Variants in RPL13A observed in about 807,000 individuals in gnomAD.
The protein encoded by RPL13A is ribosomal protein L13a.
RPL13A carries 4 observed loss-of-function variants against 30.8 expected under a neutral mutation model. That is an observed-to-expected ratio of 0.13 (90% CI 0.06 to 0.30). The LOEUF is 0.30. RPL13A is among the 10% of genes least tolerant of loss of function. The pLI, the probability that RPL13A is intolerant of heterozygous loss-of-function variation, is 1.00. For missense variants in RPL13A, 196 were observed against 272.6 expected (o/e 0.72, Z 1.98); for synonymous variants, 108 against 104.2 (o/e 1.04, Z -0.22).
At chr19:49,489,804 A>G (rs995531859) in intron 1 of RPL13A, 46 bp from the exon 2 acceptor site, 2 of 1,446,696 alleles carry the variant, frequency 1.4e-6, no homozygotes, top group African/African-American at 2.8e-5. Flanking sequence ...GAGGACAATC[A>G]AAGGCTGTCC....
chr19:49,490,107 C>A, intron 2 of RPL13A, 125 bp from the exon 3 acceptor site: 1 of 1,087,012 alleles, frequency 9.2e-7, no homozygotes, highest in Non-Finnish European at 1.4e-6. Flanking sequence ...ATGTATTAGG[C>A]TAGTTTTTCA....
intron 5 of RPL13A, 77 bp from the exon 6 acceptor site, chr19:49,490,963 G>A: frequency 1.2e-6 from 2 of 1,605,784 alleles, no homozygotes; most frequent in Non-Finnish European, 1.7e-6. Context: ...AGCAGCACTG[G>A]CTGAGACGCC....
intron 2 of RPL13A, 48 bp from the exon 3 acceptor site, chr19:49,490,184 T>TG: frequency 6.4e-7 from 1 of 1,571,152 alleles, no homozygotes; most frequent in East Asian, 2.2e-5. Context: ...TAGGCAGTGG[T>TG]GGGACCCTCA....
chr19:49,487,880 A>G (rs2079822094), intron 1 of RPL13A, among the ~76,000 whole-genome samples: 1 of 152,182 alleles, frequency 6.6e-6, no homozygotes. Context: ...CTTCCAGCAC[A>G]GGACAGGTAT....
Position 49,489,859 on chromosome 19 carries a change from C to G in RPL13A, c.25C>G (p.Leu9Val), listed in dbSNP as rs750179690. The G allele has an allele frequency of 1.9e-6, 3 of 1,613,738 alleles. No individual in the cohort carries two copies. The highest frequency in any genetic ancestry group is 1.1e-5 in the South Asian group (1 of 91,086). The change falls in exon 2 of 8, where the codon CTT (leucine) becomes GTT (valine). Residue 9 changes from leucine (L) to valine (V), a missense_variant. Transcript: ENST00000391857. ...CCCTTGTCTCCCACAGGTCCTGGTG[C>G]TTGATGGTCGAGGCCATCTCCTGGG... Reference protein sequence around the residue: MAEVQVLVLDGRGHLLGRL... With the variant: MAEVQVLVVDGRGHLLGRL...
At chr19:49,490,977 C>T (rs763087034) in intron 5 of RPL13A, 63 bp from the exon 6 acceptor site, 2 of 1,603,672 alleles carry the variant, frequency 1.2e-6, no homozygotes, top group East Asian at 4.5e-5. Flanking sequence ...AGACGCCAGT[C>T]CAGCCGACCT....
In RPL13A at chr19:49,490,572, G is replaced by T. The variant is rs1307576591; in HGVS notation, c.252G>T (p.Val84=). ...CCAGCCGCATCTTCTGGCGGACCGTGCGAGGTGAGCAGAGCGTGGGGACTG... is the reference window on the plus strand; with the variant it reads ...CCAGCCGCATCTTCTGGCGGACCGTTCGAGGTGAGCAGAGCGTGGGGACTG... ...RAPSRIFWRT[V]RGMLPHKTKR... Residue 84 remains valine, a synonymous_variant, in exon 4 of 8, where the codon GTG becomes GTT. Coordinates refer to ENST00000391857, the MANE Select transcript of RPL13A (RefSeq NM_012423.4). 1.9e-6 allele frequency: 3 copies of T among 1,614,066 alleles called. No individual in the cohort carries two copies. In the African/African-American group the frequency reaches 4.0e-5, roughly 22 times the overall value.
chr19:49,491,368 G>A (rs1204371899), intron 6 of RPL13A, 57 bp from the exon 7 acceptor site: 2 of 1,480,150 alleles, frequency 1.4e-6, no homozygotes, highest in Non-Finnish European at 9.3e-7. Context: ...TTCAGGGTGT[G>A]GGGGCTTAGA....
At position 49,490,270 on chromosome 19, in the gene RPL13A, A is replaced by G. The variant is rs1279600358; in HGVS notation, c.127A>G (p.Ile43Val). ...GGTCGTACGCTGTGAAGGCATCAAC[A>G]TTTCTGGCAATTTCTACAGAAACAA... Reference protein sequence around the residue: ...VVVVRCEGINISGNFYRNKLK... With the variant: ...VVVVRCEGINVSGNFYRNKLK... The change falls in exon 3 of 8, where the codon ATT becomes GTT. Residue 43 changes from isoleucine to valine, a missense_variant. By Grantham distance (29) the Ile-to-Val change is conservative. Coordinates refer to ENST00000391857, the MANE Select transcript of RPL13A (RefSeq NM_012423.4). The G allele has an allele frequency of 8.7e-6, 14 of 1,614,156 alleles. No individual in the cohort carries two copies. In the Middle Eastern group the frequency reaches 5.0e-4, roughly 57 times the overall value.
intron 1 of RPL13A, 142 bp downstream of exon 1, chr19:49,487,786 A>T: frequency 3.3e-6 from 3 of 900,740 alleles, no homozygotes; most frequent in Non-Finnish European, 3.2e-6. Flanking sequence ...GGATAAGGGG[A>T]ATCTGTAGGA....
chr19:49,488,332 G>T (rs961185870), intron 1 of RPL13A, among the ~76,000 whole-genome samples: 2 of 152,156 alleles, frequency 1.3e-5, no homozygotes, highest in African/African-American at 4.8e-5. Flanking sequence ...CCTTTCCCTG[G>T]CTCCTGGTGT....
rs45550435 is a variant in RPL13A, at chr19:49,490,491, C to T, written c.171C>T (p.Phe57=). The change falls in exon 4 of 8, where the codon TTC becomes TTT. Residue 57 remains phenylalanine (F), a synonymous_variant. Coordinates refer to ENST00000391857, the MANE Select transcript of RPL13A (RefSeq NM_012423.4). ...TCTCCCTAGTGAAGTACCTGGCTTT[C>T]CTCCGCAAGCGGATGAACACCAACC... ...FYRNKLKYLA[F]LRKRMNTNPS... The T allele has an allele frequency of 2.5e-5, 40 of 1,614,090 alleles. 1 individual carries two copies. In the South Asian group the frequency reaches 3.4e-4, roughly 14 times the overall value.
In RPL13A at chr19:49,490,792, C is replaced by T. The variant is rs3201132; in HGVS notation, c.270C>T (p.His90=). The change falls in exon 5 of 8, where the codon CAC becomes CAT. Residue 90 remains histidine (H), a synonymous_variant. Coordinates refer to ENST00000391857, the MANE Select transcript of RPL13A (RefSeq NM_012423.4). The part of the protein sequence containing the change: ...FWRTVRGMLP[H]KTKRGQAALD... ...GTCACCCAACAGGTATGCTGCCCCA[C>T]AAAACCAAGCGAGGCCAGGCCGCTC... 1 of 1,614,168 alleles carries T rather than the reference C, an allele frequency of 6.2e-7. No homozygotes were observed. The highest frequency in any genetic ancestry group is 2.2e-5 in the East Asian group (1 of 44,872).
In RPL13A at chr19:49,489,852, C is replaced by G; in HGVS notation, c.18C>G (p.Val6=). The G allele has an allele frequency of 1.9e-6, 3 of 1,613,516 alleles. No homozygotes were observed. The highest frequency in any genetic ancestry group is 1.1e-5 in the South Asian group (1 of 91,084). The change falls in exon 2 of 8, where the codon GTC becomes GTG. Residue 6 remains valine, a splice_region_variant and synonymous_variant. Coordinates refer to ENST00000391857, the MANE Select transcript of RPL13A (RefSeq NM_012423.4). MAEVQ[V]LVLDGRGHLL... ...CCTTTTGCCCTTGTCTCCCACAGGTCCTGGTGCTTGATGGTCGAGGCCATC... is the reference window on the plus strand; with the variant it reads ...CCTTTTGCCCTTGTCTCCCACAGGTGCTGGTGCTTGATGGTCGAGGCCATC...
chr19:49,489,732 G>A (rs1055743827), intron 1 of RPL13A, 118 bp from the exon 2 acceptor site: 6 of 827,892 alleles, frequency 7.2e-6, no homozygotes, highest in African/African-American at 3.3e-5. Context: ...TCCCAGCTCT[G>A]ATGGCTGGGT....
chr19:49,489,968 G>A, intron 2 of RPL13A, 46 bp downstream of exon 2: 4 of 1,431,816 alleles, frequency 2.8e-6, no homozygotes, highest in Non-Finnish European at 3.9e-6. Context: ...CCCGCTGGAG[G>A]TCAGTGATGA....
At chr19:49,489,442 A>G (rs1232056941) in intron 1 of RPL13A, among the ~76,000 whole-genome samples, 3 of 152,170 alleles carry the variant, frequency 2.0e-5, no homozygotes, top group Non-Finnish European at 4.4e-5. Flanking sequence ...TCACAGGATC[A>G]CAGGACAGCC....
rs527621617 is a variant in RPL13A, at chr19:49,491,408, C to A, written c.403-17C>A. 127 of 429,190 alleles carry A rather than the reference C, an allele frequency of 3.0e-4. No homozygotes were observed. Among genetic ancestry groups the A allele is most frequent in the Middle Eastern group, 1.7e-3 (3 of 1,756 alleles). The allele number at this position is 429,190 out of a possible 1,614,324, so 26.6% of individuals were successfully genotyped here. On this transcript the variant is annotated splice_polypyrimidine_tract_variant and intron_variant, in intron 6 of 7. Coordinates refer to ENST00000391857, the MANE Select transcript of RPL13A (RefSeq NM_012423.4). The stretch of plus-strand genomic sequence containing the variant: ...CTTACAACTTCATTTGTTCACCCCC[C>A]CCCCCCCCCCCCGCAGTTTGCCTAT...
At position 49,490,300 on chromosome 19, in the gene RPL13A, AAGTT is replaced by A. The variant is rs2079852559; in HGVS notation, c.154+6_154+9del. On this transcript the variant is annotated splice_donor_5th_base_variant and intron_variant, in intron 3 of 7. Transcript: ENST00000391857. ...TGGCAATTTCTACAGAAACAAGTGTAAGTTAGGACCTGGGAGGAGCACTGGAGAG... is the reference window on the plus strand; with the variant it reads ...TGGCAATTTCTACAGAAACAAGTGTAAGGACCTGGGAGGAGCACTGGAGAG... 32 of 1,613,898 alleles carry A rather than the reference AAGTT, an allele frequency of 2.0e-5. No homozygotes were observed. The highest frequency in any genetic ancestry group is 2.6e-5 in the Non-Finnish European group (31 of 1,179,890).
Sources: gnomAD v4.1 joint callset for allele counts (sites outside exome capture counted in the v4.1 genomes callset) on GRCh38, gnomAD v4.1.1 for gene constraint, MANE v1.5 for transcripts, NCBI Gene and HGNC (gene_info 2026-07-23, HGNC 2026-07-21) for gene names.